The following SLC38A1 variants were observed in gnomAD, a reference collection of about 807,000 sequenced individuals.
The protein encoded by SLC38A1 is sodium-coupled neutral amino acid symporter 1.
In SLC38A1, 18 loss-of-function variants were observed where a neutral mutation model predicts 60.3. That is an observed-to-expected ratio of 0.30 (90% CI 0.21 to 0.44). SLC38A1 has a LOEUF of 0.44. SLC38A1 is among the 20% of genes least tolerant of loss of function. SLC38A1 has a pLI of 1.00. For missense variants in SLC38A1, 448 were observed against 587.2 expected (o/e 0.76, Z 2.45); for synonymous variants, 196 against 212.1 (o/e 0.92, Z 0.66).
intron 5 of SLC38A1, among the ~76,000 whole-genome samples, chr12:46,218,066 T>G (rs1203411837): frequency 1.3e-5 from 2 of 152,208 alleles, no homozygotes; most frequent in African/African-American, 4.8e-5. Context: ...GAATTTTAGT[T>G]TAGTTGGTTC....
rs1008248937 is a variant in SLC38A1, at chr12:46,186,770, A to G, written c.*2200T>C. ...CAGAGGCCCAAAAATATCACTACAC[A>G]TCCCAGTTAATGATAAGGTTCTAAA... On this transcript the variant is annotated 3_prime_UTR_variant, in exon 17 of 17. Coordinates refer to ENST00000398637, the MANE Select transcript of SLC38A1 (RefSeq NM_030674.4). 6.6e-6 allele frequency: 1 copy of G among 152,218 alleles called. No homozygotes were observed. The highest frequency in any genetic ancestry group is 2.4e-5 in the African/African-American group (1 of 41,460). The allele number at this position is 152,218 out of a possible 1,614,324, so 9.4% of individuals were successfully genotyped here.
intron 5 of SLC38A1, among the ~76,000 whole-genome samples, chr12:46,222,359 C>A (rs576263363): frequency 2.5e-4 from 38 of 152,194 alleles, no homozygotes; most frequent in African/African-American, 9.1e-4. Flanking sequence ...GCCAACAGTT[C>A]TCTTGTGTAC....
At chr12:46,248,207 G>C (rs754290064) in intron 1 of SLC38A1, among the ~76,000 whole-genome samples, 19 of 152,034 alleles carry the variant, frequency 1.2e-4, no homozygotes, top group Non-Finnish European at 2.1e-4. Flanking sequence ...CATGTAAATG[G>C]GCTAAATGCC....
At chr12:46,247,070 T>C (rs1418695002) in intron 1 of SLC38A1, among the ~76,000 whole-genome samples, 1 of 151,862 alleles carries the variant, frequency 6.6e-6, no homozygotes, top group Non-Finnish European at 1.5e-5. Context: ...ACCACAAAGA[T>C]GGGGAAAAAA....
At chr12:46,231,843 C>A (rs1294808790) in intron 3 of SLC38A1, among the ~76,000 whole-genome samples, 1 of 152,116 alleles carries the variant, frequency 6.6e-6, no homozygotes, top group Non-Finnish European at 1.5e-5. Flanking sequence ...TTTTGCTATG[C>A]CAGCCAGGCT....
At chr12:46,248,668 G>C (rs1397437741) in intron 1 of SLC38A1, among the ~76,000 whole-genome samples, 1 of 152,080 alleles carries the variant, frequency 6.6e-6, no homozygotes, top group Admixed American at 6.5e-5. Flanking sequence ...GCACCAAGTG[G>C]ACCTAATAGA....
At chr12:46,202,965 G>T in intron 12 of SLC38A1, 45 bp downstream of exon 12, 1 of 1,432,458 alleles carries the variant, frequency 7.0e-7, no homozygotes, top group Non-Finnish European at 9.8e-7. Context: ...CTATTAATGA[G>T]GGGATGTAAA....
chr12:46,223,452 TCACACACACACA>T (rs146387838), intron 5 of SLC38A1, among the ~76,000 whole-genome samples: 4 of 146,184 alleles, frequency 2.7e-5, no homozygotes, highest in African/African-American at 7.5e-5. Flanking sequence ...TCTCTCACAT[TCACACACACACA>T]CACACACACA....
At chr12:46,267,073 GCA>G (rs1942374679) in intron 1 of SLC38A1, among the ~76,000 whole-genome samples, 1 of 152,206 alleles carries the variant, frequency 6.6e-6, no homozygotes. Context: ...ACGAGTTGCT[GCA>G]CAGTTTCTTT....
chr12:46,217,501 T>C (rs1241388629), intron 5 of SLC38A1, among the ~76,000 whole-genome samples: 2 of 152,242 alleles, frequency 1.3e-5, no homozygotes, highest in African/African-American at 4.8e-5. Flanking sequence ...TTAATGGTTA[T>C]CTTAGTTTTA....
At chr12:46,252,969 T>C (rs1941903518) in intron 1 of SLC38A1, among the ~76,000 whole-genome samples, 1 of 147,000 alleles carries the variant, frequency 6.8e-6, no homozygotes, top group African/African-American at 2.5e-5. Flanking sequence ...TACTGCATGA[T>C]CTCATGTATA....
At chr12:46,190,495 C>T (rs1327049243) in intron 16 of SLC38A1, among the ~76,000 whole-genome samples, 1 of 152,170 alleles carries the variant, frequency 6.6e-6, no homozygotes, top group Admixed American at 6.5e-5. Flanking sequence ...GTTCTGGATC[C>T]TTGAGGAATC....
rs779389803 is a variant in SLC38A1, at chr12:46,206,179, T to A, written c.564-17A>T. 6.5e-7 allele frequency: 1 copy of A among 1,541,340 alleles called. No homozygotes were observed. The highest frequency in any genetic ancestry group is 8.9e-7 in the Non-Finnish European group (1 of 1,124,724). Reference sequence around the variant, plus strand: ...TACCAGGCTCTGAAAGGCATTTAAGTGATTAGGTTATATTTTTTTAGAAAG... The same window carrying A: ...TACCAGGCTCTGAAAGGCATTTAAGAGATTAGGTTATATTTTTTTAGAAAG... On this transcript the variant is annotated splice_polypyrimidine_tract_variant and intron_variant, in intron 8 of 16. Transcript: ENST00000398637.
Position 46,197,914 on chromosome 12 carries a change from C to T in SLC38A1, c.1264+5G>A. On this transcript the variant is annotated splice_donor_5th_base_variant and intron_variant, in intron 15 of 16. Coordinates refer to ENST00000398637, the MANE Select transcript of SLC38A1 (RefSeq NM_030674.4). ...AATGACAAGCACAAAGTCATGAAGCCATACCTACGACTCCAAAAATATCCT... is the reference window on the plus strand; with the variant it reads ...AATGACAAGCACAAAGTCATGAAGCTATACCTACGACTCCAAAAATATCCT... 6.2e-7 allele frequency: 1 copy of T among 1,613,844 alleles called. No homozygotes were observed. Among genetic ancestry groups the T allele is most frequent in the Non-Finnish European group, 8.5e-7 (1 of 1,179,904 alleles).
intron 1 of SLC38A1, among the ~76,000 whole-genome samples, chr12:46,256,640 G>C (rs866595484): frequency 2.6e-4 from 37 of 140,816 alleles, no homozygotes; most frequent in African/African-American, 7.5e-4. Flanking sequence ...CACACACAGA[G>C]AGAGAGAGAG....
intron 1 of SLC38A1, among the ~76,000 whole-genome samples, chr12:46,267,853 C>A (rs975262227): frequency 2.0e-5 from 3 of 152,242 alleles, no homozygotes; most frequent in Non-Finnish European, 2.9e-5. Flanking sequence ...CTGTCCCCTG[C>A]CACCCTCTGC....
At chr12:46,223,477 C>T (rs1940741303) in intron 5 of SLC38A1, among the ~76,000 whole-genome samples, 1 of 151,964 alleles carries the variant, frequency 6.6e-6, no homozygotes, top group Non-Finnish European at 1.5e-5. Context: ...CACACACACA[C>T]ACCCCACTCA....
intron 3 of SLC38A1, among the ~76,000 whole-genome samples, chr12:46,238,880 C>A (rs551813478): frequency 6.6e-6 from 1 of 152,178 alleles, no homozygotes; most frequent in African/African-American, 2.4e-5. Flanking sequence ...TATAGTTCCT[C>A]ACAGAGTCAT....
intron 2 of SLC38A1, among the ~76,000 whole-genome samples, chr12:46,240,388 G>T (rs954842391): frequency 6.6e-6 from 1 of 152,146 alleles, no homozygotes; most frequent in Non-Finnish European, 1.5e-5. Context: ...GTAGAGACAG[G>T]TTTCTCCATG....
Sources: allele counts gnomAD v4.1 joint callset (sites outside exome capture counted in the v4.1 genomes callset), GRCh38; gene constraint gnomAD v4.1.1; transcripts MANE v1.5; gene names NCBI Gene and HGNC (gene_info 2026-07-23, HGNC 2026-07-21).